Variants in UNC13B observed in about 807,000 individuals in gnomAD.
The protein encoded by UNC13B is unc-13 homolog B, also known as protein unc-13 homolog B.
UNC13B carries 144 observed loss-of-function variants against 211.0 expected under a neutral mutation model. That is an observed-to-expected ratio of 0.68 (90% CI 0.60 to 0.78). The LOEUF is 0.78. UNC13B is among the 30% of genes least tolerant of loss of function. The pLI is 0.00. For missense variants in UNC13B, 1,777 were observed against 2,002.0 expected (o/e 0.89, Z 2.14); for synonymous variants, 709 against 725.8 (o/e 0.98, Z 0.37).
Position 35,167,178 on chromosome 9 carries a change from C to T in UNC13B, c.22+4873C>T, listed in dbSNP as rs568438461. Among the ~76,000 whole-genome samples, 13 of 152,102 alleles carry T rather than the reference C, an allele frequency of 8.5e-5. No homozygotes were observed. In the South Asian group the frequency reaches 1.2e-3, roughly 15 times the overall value. ...GCAACCCCTGCCTCCTGGGTTCAAGCGATTCTCCTGTCAGCCTCCCAAGTA... is the reference window on the plus strand; with the variant it reads ...GCAACCCCTGCCTCCTGGGTTCAAGTGATTCTCCTGTCAGCCTCCCAAGTA... On this transcript the variant is annotated intron_variant, in intron 1 of 39. Coordinates refer to ENST00000635942, the MANE Select transcript of UNC13B (RefSeq NM_001371189.2).
chr9:35,365,818 G>C (rs532751397), intron 11 of UNC13B, among the ~76,000 whole-genome samples: 1 of 152,294 alleles, frequency 6.6e-6, no homozygotes, highest in East Asian at 1.9e-4. Context: ...GCTCTGGTCC[G>C]TAGGGAGATA....
chr9:35,332,234 G>A (rs1463156036), intron 11 of UNC13B, among the ~76,000 whole-genome samples: 3 of 152,158 alleles, frequency 2.0e-5, no homozygotes, highest in East Asian at 1.9e-4. Flanking sequence ...ACAGGCTTGA[G>A]CCACTGCACC....
chr9:35,380,987 G>T, intron 18 of UNC13B, 113 bp from the exon 19 acceptor site: 1 of 999,492 alleles, frequency 1.0e-6, no homozygotes, highest in Non-Finnish European at 1.5e-6. Context: ...CCTTGGGTTG[G>T]CCCCTTCTTT....
At chr9:35,353,433 G>T (rs1017883453) in intron 11 of UNC13B, 2 of 1,232,316 alleles carry the variant, frequency 1.6e-6, no homozygotes, top group Non-Finnish European at 1.0e-6. Context: ...AGTTCAGGGG[G>T]TGCCCAGGAT....
At chr9:35,385,694 C>T (rs746514360) in intron 22 of UNC13B, 30 bp from the exon 23 acceptor site, 1 of 1,582,370 alleles carries the variant, frequency 6.3e-7, no homozygotes, top group Non-Finnish European at 8.6e-7. Context: ...GTCCTCTGTT[C>T]CTTTCTTACA....
intron 11 of UNC13B, among the ~76,000 whole-genome samples, chr9:35,348,559 A>G (rs2132050249): frequency 6.6e-6 from 1 of 152,300 alleles, no homozygotes; most frequent in African/African-American, 2.4e-5. Context: ...CAGAAGTAGA[A>G]GTCATGGCTC....
intron 7 of UNC13B, among the ~76,000 whole-genome samples, chr9:35,293,044 C>T (rs1829172540): frequency 6.6e-6 from 1 of 152,192 alleles, no homozygotes; most frequent in Non-Finnish European, 1.5e-5. Flanking sequence ...AGGAGGTTTA[C>T]TTTTTAGGAA....
At position 35,307,078 on chromosome 9, in the gene UNC13B, A is replaced by G. The variant is rs2131846767; in HGVS notation, c.7674A>G (p.Leu2558=). 2.5e-6 allele frequency: 1 copy of G among 399,064 alleles called. No individual in the cohort carries two copies. The highest frequency in any genetic ancestry group is 4.4e-6 in the Non-Finnish European group (1 of 226,068). 24.7% of individuals were successfully genotyped at this position (399,064 alleles called of 1,614,324 possible). The change falls in exon 9 of 40, where the codon CTA becomes CTG. Residue 2558 remains leucine, a synonymous_variant. Transcript: ENST00000635942. ...PERREAAFTA[L]SSESTLSDCR... ...GGAGAGAAGCTGCCTTTACAGCACT[A>G]AGTTCAGAATCTACTCTCAGTGACT...
At position 35,166,693 on chromosome 9, in the gene UNC13B, G is replaced by A. The variant is rs530929161; in HGVS notation, c.22+4388G>A. Among the ~76,000 whole-genome samples the A allele has an allele frequency of 1.2e-4, 18 of 152,158 alleles. No homozygotes were observed. The East Asian group carries it at 3.1e-3, about 26-fold the overall frequency. ...TTTCATTTTGTTTTTATTATAAGGT[G>A]ATAAATATACAGATAAGAAGTTGAA... On this transcript the variant is annotated intron_variant, in intron 1 of 39. Coordinates refer to ENST00000635942, the MANE Select transcript of UNC13B (RefSeq NM_001371189.2).
At chr9:35,352,588 A>G in intron 11 of UNC13B, 1 of 1,232,172 alleles carries the variant, frequency 8.1e-7, no homozygotes, top group Non-Finnish European at 1.0e-6. Context: ...TAACAGGAAC[A>G]TATCAGATGA....
In UNC13B at chr9:35,397,326, C is replaced by T; in HGVS notation, c.11676+16C>T. 6.2e-7 allele frequency: 1 copy of T among 1,612,026 alleles called. No homozygotes were observed. On this transcript the variant is annotated intron_variant, in intron 29 of 39. Coordinates refer to ENST00000635942, the MANE Select transcript of UNC13B (RefSeq NM_001371189.2). ...GTTTGCTAAGGTGACCATAACTCTT[C>T]CTACTCCCTCCCCCTTACCACCACC... is the stretch of plus-strand genomic sequence containing the variant.
At position 35,305,440 on chromosome 9, in the gene UNC13B, G is replaced by C; in HGVS notation, c.6036G>C (p.Glu2012Asp). The change falls in exon 9 of 40, where the codon GAG (glutamate) becomes GAC (aspartate). Residue 2012 changes from glutamate (E) to aspartate (D), a missense_variant. Coordinates refer to ENST00000635942, the MANE Select transcript of UNC13B (RefSeq NM_001371189.2). ...TTTCTTCAATGACTATTAAGGATGAGGTCAGGTCAAGTCCTACTCCTATGG... is the reference window on the plus strand; with the variant it reads ...TTTCTTCAATGACTATTAAGGATGACGTCAGGTCAAGTCCTACTCCTATGG... ...TSVSSMTIKD[E>D]VRSSPTPMEL... 1 of 398,974 alleles carries C rather than the reference G, an allele frequency of 2.5e-6. No individual in the cohort carries two copies. The highest frequency in any genetic ancestry group is 4.4e-6 in the Non-Finnish European group (1 of 226,020). The allele number at this position is 398,974 out of a possible 1,614,324, so 24.7% of individuals were successfully genotyped here.
At chr9:35,220,181 T>C (rs1421712569) in intron 1 of UNC13B, among the ~76,000 whole-genome samples, 1 of 152,058 alleles carries the variant, frequency 6.6e-6, no homozygotes, top group Non-Finnish European at 1.5e-5. Flanking sequence ...AATACATGTA[T>C]ATACTTATAG....
At chr9:35,188,961 C>A (rs1347477897) in intron 1 of UNC13B, among the ~76,000 whole-genome samples, 1 of 152,148 alleles carries the variant, frequency 6.6e-6, no homozygotes, top group African/African-American at 2.4e-5. Flanking sequence ...CTTTAGACAA[C>A]CTTGCTATAC....
chr9:35,203,825 A>G (rs957555381), intron 1 of UNC13B, among the ~76,000 whole-genome samples: 5 of 152,244 alleles, frequency 3.3e-5, no homozygotes, highest in Non-Finnish European at 7.3e-5. Flanking sequence ...GGTAGAAAAG[A>G]AAAACCCCAT....
intron 6 of UNC13B, among the ~76,000 whole-genome samples, chr9:35,255,460 G>C (rs575594781): frequency 1.2e-4 from 18 of 152,214 alleles, no homozygotes; most frequent in Admixed American, 1.0e-3. Context: ...AGAGCCAGCT[G>C]TGCAGGAGAC....
At chr9:35,314,010 C>CTGGT in intron 11 of UNC13B, 21 bp downstream of exon 11, 1 of 1,591,802 alleles carries the variant, frequency 6.3e-7, no homozygotes, top group South Asian at 1.1e-5. Context: ...TGTTCTAGTA[C>CTGGT]TGGTTGGGAC....
intron 1 of UNC13B, among the ~76,000 whole-genome samples, chr9:35,197,070 C>G (rs1454807276): frequency 6.6e-6 from 1 of 152,026 alleles, no homozygotes; most frequent in African/African-American, 2.4e-5. Context: ...TGAACCTGGC[C>G]TAAATATTTA....
chr9:35,380,503 G>A lies in UNC13B; in HGVS notation c.10239G>A (p.Val3413=), dbSNP rs771351005. 9.3e-6 allele frequency: 15 copies of A among 1,614,072 alleles called. No homozygotes were observed. The Admixed American group carries it at 1.7e-4, about 18-fold the overall frequency. The change falls in exon 18 of 40, where the codon GTG becomes GTA. Residue 3413 remains valine, a synonymous_variant. Coordinates refer to ENST00000635942, the MANE Select transcript of UNC13B (RefSeq NM_001371189.2). ...ECHNSSDRIK[V]RVWDEDDDIK... ...ACAACTCCTCTGACCGCATTAAGGT[G>A]CGTGTATGGGATGAGGATGATGACA...
Sources: allele counts gnomAD v4.1 joint callset (sites outside exome capture counted in the v4.1 genomes callset), GRCh38; gene constraint gnomAD v4.1.1; transcripts MANE v1.5; gene names NCBI Gene and HGNC (gene_info 2026-07-23, HGNC 2026-07-21).